Variants in HS6ST3 observed in about 807,000 individuals in gnomAD.
HS6ST3 encodes the protein heparan sulfate 6-O-sulfotransferase 3.
In HS6ST3, 12 loss-of-function variants were observed where a neutral mutation model predicts 36.7. The ratio of observed to expected loss-of-function variants is 0.33; its 90% CI spans 0.21 to 0.53. HS6ST3 has a LOEUF of 0.53. HS6ST3 is among the 20% of genes least tolerant of loss of function. HS6ST3 has a pLI of 0.95. For missense variants in HS6ST3, 584 were observed against 640.9 expected (o/e 0.91, Z 0.96); for synonymous variants, 240 against 257.5 (o/e 0.93, Z 0.65).
intron 1 of HS6ST3, among the ~76,000 whole-genome samples, chr13:96,781,915 G>A (rs1357123759): frequency 6.6e-6 from 1 of 152,084 alleles, no homozygotes; most frequent in Admixed American, 6.5e-5. Flanking sequence ...AAACCTTGAA[G>A]GAAAAATCAG....
At chr13:96,285,900 CCT>C (rs1170581893) in intron 1 of HS6ST3, among the ~76,000 whole-genome samples, 1 of 149,542 alleles carries the variant, frequency 6.7e-6, no homozygotes, top group Non-Finnish European at 1.5e-5. Flanking sequence ...TCCCTCTTTC[CCT>C]CTCTCTCTCC....
At chr13:96,691,966 T>C (rs1874972402) in intron 1 of HS6ST3, among the ~76,000 whole-genome samples, 1 of 152,078 alleles carries the variant, frequency 6.6e-6, no homozygotes, top group Non-Finnish European at 1.5e-5. Flanking sequence ...GCATTCAAAT[T>C]TGAGCCTAAG....
chr13:96,247,639 G>T (rs571783758), intron 1 of HS6ST3, among the ~76,000 whole-genome samples: 1 of 152,098 alleles, frequency 6.6e-6, no homozygotes, highest in African/African-American at 2.4e-5. Flanking sequence ...TTTCTTTAGA[G>T]TAGGGTGAAA....
intron 1 of HS6ST3, among the ~76,000 whole-genome samples, chr13:96,767,266 C>G (rs980217617): frequency 1.3e-5 from 2 of 152,188 alleles, no homozygotes; most frequent in African/African-American, 2.4e-5. Flanking sequence ...CACAATGTGA[C>G]TAACTTAGTC....
intron 1 of HS6ST3, among the ~76,000 whole-genome samples, chr13:96,105,538 C>T (rs562561799): frequency 1.3e-5 from 2 of 152,130 alleles, no homozygotes; most frequent in South Asian, 4.2e-4. Context: ...GTAGTCCCAG[C>T]TGCTTGGAGG....
At chr13:96,172,254 A>G (rs2054191036) in intron 1 of HS6ST3, among the ~76,000 whole-genome samples, 1 of 152,174 alleles carries the variant, frequency 6.6e-6, no homozygotes, top group Non-Finnish European at 1.5e-5. Context: ...TATCACTTCA[A>G]CTGCCAAAAC....
At chr13:96,627,277 T>A (rs2056516302) in intron 1 of HS6ST3, among the ~76,000 whole-genome samples, 1 of 152,074 alleles carries the variant, frequency 6.6e-6, no homozygotes, top group Admixed American at 6.5e-5. Context: ...TTTGTGCATC[T>A]GCGTAAACGA....
At chr13:96,345,549 A>G (rs372676111) in intron 1 of HS6ST3, among the ~76,000 whole-genome samples, 268 of 152,310 alleles carry the variant, frequency 1.8e-3, no homozygotes, top group African/African-American at 6.2e-3. Context: ...TACATTTTCT[A>G]CTGTGTCCTT....
chr13:96,565,276 A>G (rs2056276905), intron 1 of HS6ST3, among the ~76,000 whole-genome samples: 1 of 152,090 alleles, frequency 6.6e-6, no homozygotes, highest in Non-Finnish European at 1.5e-5. Flanking sequence ...AGAGAAGTGC[A>G]TATTTAAACT....
chr13:96,443,485 A>T (rs927115143), intron 1 of HS6ST3, among the ~76,000 whole-genome samples: 1 of 143,970 alleles, frequency 6.9e-6, no homozygotes, highest in African/African-American at 2.6e-5. Context: ...AGCCGAGATC[A>T]CGCCACTGCA....
intron 1 of HS6ST3, among the ~76,000 whole-genome samples, chr13:96,526,600 C>T (rs890460537): frequency 7.9e-5 from 12 of 152,132 alleles, no homozygotes; most frequent in Non-Finnish European, 1.3e-4. Flanking sequence ...AAGTGTGAAG[C>T]TATGACGGAA....
chr13:96,679,908 C>A (rs1362535330), intron 1 of HS6ST3, among the ~76,000 whole-genome samples: 2 of 152,082 alleles, frequency 1.3e-5, no homozygotes, highest in Non-Finnish European at 2.9e-5. Flanking sequence ...TGGCAAGGGA[C>A]CTTGGGCATC....
chr13:96,790,684 A>G (rs2138520054), intron 1 of HS6ST3, among the ~76,000 whole-genome samples: 1 of 152,184 alleles, frequency 6.6e-6, no homozygotes, highest in Non-Finnish European at 1.5e-5. Flanking sequence ...ACTTCAGAAG[A>G]CATTCTGTTA....
chr13:96,393,034 C>T (rs1854262), intron 1 of HS6ST3, among the ~76,000 whole-genome samples: 123,307 of 152,040 alleles, frequency 0.81, 50,471 homozygotes, highest in Non-Finnish European at 0.87. Context: ...CATACCGTTT[C>T]CATGATAGTA....
intron 1 of HS6ST3, among the ~76,000 whole-genome samples, chr13:96,344,053 G>A: frequency 6.6e-6 from 1 of 152,096 alleles, no homozygotes; most frequent in East Asian, 1.9e-4. Flanking sequence ...CGTTATTACA[G>A]TATCTTTACT....
chr13:96,205,090 A>G (rs1312495901), intron 1 of HS6ST3, among the ~76,000 whole-genome samples: 1 of 124,080 alleles, frequency 8.1e-6, no homozygotes, highest in Non-Finnish European at 1.9e-5. Context: ...ACTACTAGCT[A>G]GACTAATAAA....
intron 1 of HS6ST3, among the ~76,000 whole-genome samples, chr13:96,685,335 C>A (rs772101203): frequency 2.6e-5 from 4 of 151,966 alleles, no homozygotes; most frequent in Non-Finnish European, 5.9e-5. Context: ...TACAGAAATA[C>A]GACTACTGGA....
chr13:96,327,173 CTTTAG>C (rs1236737630), intron 1 of HS6ST3, among the ~76,000 whole-genome samples: 1 of 150,958 alleles, frequency 6.6e-6, no homozygotes, highest in African/African-American at 2.4e-5. Flanking sequence ...TGCAGAAGCT[CTTTAG>C]TTTAATTAGA....
At chr13:96,462,824 G>A (rs187470636) in intron 1 of HS6ST3, among the ~76,000 whole-genome samples, 47 of 152,240 alleles carry the variant, frequency 3.1e-4, no homozygotes, top group Admixed American at 7.2e-4. Flanking sequence ...ATCTAAATGA[G>A]TTGCATTTCT....
Sources: gnomAD v4.1 joint callset for allele counts (sites outside exome capture counted in the v4.1 genomes callset) on GRCh38, gnomAD v4.1.1 for gene constraint, MANE v1.5 for transcripts, NCBI Gene and HGNC (gene_info 2026-07-23, HGNC 2026-07-21) for gene names.